The following ZNF487 variants were observed in gnomAD, a reference collection of about 807,000 sequenced individuals.
ZNF487 encodes the protein zinc finger protein 487, also known as KRAB domain only 1.
A neutral mutation model predicts 3.0 loss-of-function variants in ZNF487; 4 were observed. That is an observed-to-expected ratio of 1.35 (90% CI 0.66 to 3.08). The LOEUF (loss-of-function observed/expected upper bound fraction) is 3.08, where lower values mean the gene tolerates loss of function less well. ZNF487 is among the 30% of genes most tolerant of loss of function. The probability of loss-of-function intolerance (pLI) is 0.01; values close to 1 mark genes in which losing one functional copy is unlikely to be tolerated. For missense variants in ZNF487, 146 were observed against 98.7 expected, an observed-to-expected ratio of 1.48 and a Z score of -2.03; for synonymous variants, 55 against 34.6, an observed-to-expected ratio of 1.59 and a Z score of -2.06.
At chr10:43,517,056 A>G in the ZNF487 span, among the ~76,000 whole-genome samples, 1 of 152,192 alleles carries the variant, frequency 6.6e-6, no homozygotes, top group South Asian at 2.1e-4. Flanking sequence ...CTCTAAGAGG[A>G]CAACTATCAT....
chr10:43,492,738 ATAAAT>A, the ZNF487 span, among the ~76,000 whole-genome samples: 2 of 152,310 alleles, frequency 1.3e-5, no homozygotes, highest in South Asian at 4.1e-4. Context: ...TTTTTTAAAA[ATAAAT>A]TTAATGTGTA....
intron 1 of ZNF487, among the ~76,000 whole-genome samples, chr10:43,459,833 G>A (rs1840360083): frequency 6.7e-6 from 1 of 149,188 alleles, no homozygotes; most frequent in Admixed American, 6.7e-5. Context: ...ATGGAGTCTC[G>A]CTCTGTCGTC....
chr10:43,477,901 G>T (rs1260167688), intron 3 of ZNF487, among the ~76,000 whole-genome samples: 1 of 151,102 alleles, frequency 6.6e-6, no homozygotes, highest in Non-Finnish European at 1.5e-5. Flanking sequence ...AGTGAGCAGA[G>T]ATCGCACTAT....
downstream of ZNF487, among the ~76,000 whole-genome samples, chr10:43,486,114 C>T (rs1296129111): frequency 1.3e-5 from 2 of 152,104 alleles, no homozygotes; most frequent in African/African-American, 4.8e-5. Context: ...CAGAGCAAAA[C>T]CAAAATACAC....
At chr10:43,441,617 T>TCA (rs71016767) in intron 1 of ZNF487, among the ~76,000 whole-genome samples, 134,980 of 151,636 alleles carry the variant, frequency 0.89, 60,121 homozygotes, top group East Asian at 1. Context: ...AGTCAGGGTC[T>TCA]CTCTGTCACC....
At chr10:43,469,680 G>A (rs774618737) in intron 1 of ZNF487, among the ~76,000 whole-genome samples, 1 of 152,056 alleles carries the variant, frequency 6.6e-6, no homozygotes, top group Non-Finnish European at 1.5e-5. Context: ...ATTAGGATAT[G>A]TCTGTACACG....
In ZNF487 at chr10:43,444,148, C is replaced by T. The variant is rs894038557; in HGVS notation, c.-94+6886C>T. On this transcript the variant is annotated intron_variant, in intron 1 of 3. Coordinates refer to ENST00000437590, the MANE Select transcript of ZNF487 (RefSeq NM_001355444.3). ...GATTACAGGCGTGAGCCACCGCGCC[C>T]GGCTCCTAAAAGTTTTCTAACAAAG... Among the ~76,000 whole-genome samples, 68 of 152,138 alleles carry T rather than the reference C, an allele frequency of 4.5e-4. 1 individual carries two copies. Among genetic ancestry groups the T allele is most frequent in the East Asian group, 1.9e-4 (1 of 5,190 alleles).
the ZNF487 span, among the ~76,000 whole-genome samples, chr10:43,498,069 G>T: frequency 4.2e-5 from 4 of 96,088 alleles, no homozygotes; most frequent in Non-Finnish European, 8.2e-5. Context: ...TCCTGTATTT[G>T]GTATTTTATA....
At chr10:43,474,306 G>A (rs1296100748) in intron 1 of ZNF487, among the ~76,000 whole-genome samples, 3 of 151,814 alleles carry the variant, frequency 2.0e-5, no homozygotes, top group Non-Finnish European at 4.4e-5. Context: ...ATACAAAAAT[G>A]AGCCAGGCGT....
intron 1 of ZNF487, among the ~76,000 whole-genome samples, chr10:43,464,942 G>T (rs1840612045): frequency 6.6e-6 from 1 of 151,996 alleles, no homozygotes; most frequent in South Asian, 2.1e-4. Flanking sequence ...CCCAGTAGGG[G>T]CGGCCGGGCA....
intron 1 of ZNF487, among the ~76,000 whole-genome samples, chr10:43,466,566 C>G (rs1460012751): frequency 6.6e-6 from 1 of 150,944 alleles, no homozygotes; most frequent in African/African-American, 2.4e-5. Flanking sequence ...CCACACCCAG[C>G]TAATTTTTGT....
chr10:43,511,578 A>G, the ZNF487 span, among the ~76,000 whole-genome samples: 1 of 152,284 alleles, frequency 6.6e-6, no homozygotes, highest in Non-Finnish European at 1.5e-5. Context: ...GTGCCATATC[A>G]AGGGCTCAGT....
At chr10:43,506,864 G>A in the ZNF487 span, among the ~76,000 whole-genome samples, 1 of 152,178 alleles carries the variant, frequency 6.6e-6, no homozygotes, top group Non-Finnish European at 1.5e-5. Flanking sequence ...GGGTGAAGAG[G>A]AGGGGATGAC....
At chr10:43,498,097 ATATTTTTTTTTTTTTTCTTT>A in the ZNF487 span, among the ~76,000 whole-genome samples, 6 of 10,050 alleles carry the variant, frequency 6.0e-4, no homozygotes, top group African/African-American at 9.4e-4. Flanking sequence ...ATATATATAT[ATATTTTTTTTTTTTTTCTTT>A]TTTTTTTTTT....
chr10:43,501,805 A>G, the ZNF487 span, among the ~76,000 whole-genome samples: 1 of 150,186 alleles, frequency 6.7e-6, no homozygotes, highest in African/African-American at 2.4e-5. Context: ...TTTTCTTTCC[A>G]GACAGGGTCT....
At chr10:43,497,854 C>G in the ZNF487 span, among the ~76,000 whole-genome samples, 2 of 150,852 alleles carry the variant, frequency 1.3e-5, no homozygotes, top group Non-Finnish European at 3.0e-5. Flanking sequence ...GTAGTCCCAG[C>G]TATTCCGGAG....
chr10:43,502,063 G>A, the ZNF487 span, among the ~76,000 whole-genome samples: 3 of 152,236 alleles, frequency 2.0e-5, no homozygotes, highest in South Asian at 6.2e-4. Context: ...AAATCATGCT[G>A]CTATAAAGAC....
chr10:43,489,920 G>A, the ZNF487 span, among the ~76,000 whole-genome samples: 19 of 152,276 alleles, frequency 1.2e-4, no homozygotes, highest in East Asian at 3.1e-3. Context: ...AGTCACATCA[G>A]TATTCACGTT....
At chr10:43,460,697 CT>C (rs745732807) in intron 1 of ZNF487, among the ~76,000 whole-genome samples, 229 of 141,272 alleles carry the variant, frequency 1.6e-3, no homozygotes, top group Non-Finnish European at 1.6e-3. Context: ...TCTTAAAAGT[CT>C]TTTTTTTTTT....
Sources: allele counts gnomAD v4.1 joint callset (sites outside exome capture counted in the v4.1 genomes callset), GRCh38; gene constraint gnomAD v4.1.1; transcripts MANE v1.5; gene names NCBI Gene and HGNC (gene_info 2026-07-23, HGNC 2026-07-21).